The following SHC1 variants were observed in gnomAD, a reference collection of about 807,000 sequenced individuals.
SHC1 encodes the protein SHC-transforming protein 1.
Under a neutral mutation model 55.9 loss-of-function variants are expected in SHC1, and 30 were observed. The observed-to-expected ratio is 0.54, with a 90% CI of 0.40 to 0.73. The LOEUF (loss-of-function observed/expected upper bound fraction) is 0.73, where lower values mean the gene tolerates loss of function less well. SHC1 is among the 30% of genes least tolerant of loss of function. SHC1 has a pLI of 0.00. For synonymous variants in SHC1, 309 were observed against 306.1 expected (o/e 1.01, Z -0.10); for missense variants, 675 against 777.1 (o/e 0.87, Z 1.56).
At chr1:154,967,883 C>G in intron 6 of SHC1, 86 bp from the exon 7 acceptor site, 1 of 1,603,564 alleles carries the variant, frequency 6.2e-7, no homozygotes, top group Non-Finnish European at 8.5e-7. Flanking sequence ...TGCAGGAACC[C>G]CCACTGAGAT....
Position 154,970,033 on chromosome 1 carries a change from C to G in SHC1, c.494G>C (p.Arg165Pro). The change falls in exon 1 of 12, where the codon CGG becomes CCG. Residue 165 changes from arginine (R) to proline (P), a missense_variant and splice_region_variant. By Grantham distance (103) the Arg-to-Pro change is moderately radical (BLOSUM62 -2). This residue lies in a region of SHC1 where 159 missense variants were observed against 246.9 expected (regional missense o/e 0.64). Coordinates refer to ENST00000448116, the MANE Select transcript of SHC1 (RefSeq NM_001130040.2). The surrounding 1 kb of genome is among the most constrained non-coding windows in gnomAD (Gnocchi z 5.5). Reference protein sequence around the residue: ...VMGPGVSYLVRYMGCVEVLQS... With the variant: ...VMGPGVSYLVPYMGCVEVLQS... ...ATGGAGAGGAGGATGTTCACTCACC[C>G]GAACCAAGTAGGAAACCCCGGGTCC... 6.2e-7 allele frequency: 1 copy of G among 1,613,786 alleles called. No homozygotes were observed. The highest frequency in any genetic ancestry group is 8.5e-7 in the Non-Finnish European group (1 of 1,179,922).
chr1:154,965,624 C>A lies in SHC1; in HGVS notation c.1545G>T (p.Thr515=). Residue 515 remains threonine, a synonymous_variant, in exon 11 of 12, where the codon ACG becomes ACT. Coordinates refer to ENST00000448116, the MANE Select transcript of SHC1 (RefSeq NM_001130040.2). The part of the protein sequence containing the change: ...LNGDFLVRES[T]TTPGQYVLTG... ...TGAGCACATACTGGCCAGGTGTGGTCGTGCTCTCCCGTACCAGGAAGTCCC... is the reference window on the plus strand; with the variant it reads ...TGAGCACATACTGGCCAGGTGTGGTAGTGCTCTCCCGTACCAGGAAGTCCC... 1 of 1,614,122 alleles carries A rather than the reference C, an allele frequency of 6.2e-7. No individual in the cohort carries two copies. The highest frequency in any genetic ancestry group is 1.1e-5 in the South Asian group (1 of 91,044).
upstream of SHC1, among the ~76,000 whole-genome samples, chr1:154,973,988 G>A (rs1447730778): frequency 6.6e-6 from 1 of 152,234 alleles, no homozygotes; most frequent in South Asian, 2.1e-4. Flanking sequence ...AAGGAGTAAC[G>A]AAGGGTTTCT....
chr1:154,971,957 A>T (rs534089148), upstream of SHC1, among the ~76,000 whole-genome samples: 20 of 151,950 alleles, frequency 1.3e-4, no homozygotes, highest in Admixed American at 4.6e-4. Context: ...AAACAAAGAT[A>T]CGTATTCCTA....
At chr1:154,964,409 C>A in intron 11 of SHC1, 2 of 387,254 alleles carry the variant, frequency 5.2e-6, no homozygotes, top group Admixed American at 3.2e-5. Flanking sequence ...GGTGTGCCAC[C>A]ACACCGCAGC....
chr1:154,969,287 G>A (rs2102132268), intron 2 of SHC1, 91 bp downstream of exon 2: 4 of 835,736 alleles, frequency 4.8e-6, no homozygotes, highest in Middle Eastern at 2.2e-4. Context: ...TCAGCCCCCA[G>A]CAGCAGCACC....
In SHC1 at chr1:154,963,554, A is replaced by G; in HGVS notation, c.*249T>C. 2.4e-6 allele frequency: 1 copy of G among 410,994 alleles called. No individual in the cohort carries two copies. Among genetic ancestry groups the G allele is most frequent in the Non-Finnish European group, 4.5e-6 (1 of 222,372 alleles). The allele number at this position is 410,994 out of a possible 1,614,324, so 25.5% of individuals were successfully genotyped here. On this transcript the variant is annotated 3_prime_UTR_variant, in exon 12 of 12. Transcript: ENST00000448116. ...AAGGGGCATCAGGTTGGCACAGGAA[A>G]GGCCCAGGTGAGGGGCCACTCTGTA...
Position 154,965,308 on chromosome 1 carries a change from A to G in SHC1, c.1626+235T>C, listed in dbSNP as rs934999048. 6.6e-6 allele frequency: 9 copies of G among 1,373,256 alleles called. No individual in the cohort carries two copies. In the African/African-American group the frequency reaches 1.0e-4, roughly 15 times the overall value. The allele number at this position is 1,373,256 out of a possible 1,614,324, so 85.1% of individuals were successfully genotyped here. On this transcript the variant is annotated intron_variant, in intron 11 of 11. Coordinates refer to ENST00000448116, the MANE Select transcript of SHC1 (RefSeq NM_001130040.2). ...TGCCTCAGCCTCCCAAAGCGCTGGG[A>G]TTACAGGTGTGAGCCACCACGCCTG... is the stretch of plus-strand genomic sequence containing the variant.
chr1:154,969,992 G>A (rs746623479), intron 1 of SHC1, 40 bp downstream of exon 1: 5 of 1,608,980 alleles, frequency 3.1e-6, no homozygotes, highest in Admixed American at 3.3e-5. Context: ...TAGAACTGGA[G>A]GGGGTCTGCG....
At chr1:154,971,312 G>C (rs931048156), upstream of SHC1, among the ~76,000 whole-genome samples, 1 of 152,182 alleles carries the variant, frequency 6.6e-6, no homozygotes, top group African/African-American at 2.4e-5. Flanking sequence ...AGCGAAGTGG[G>C]GATGGGAAGT....
chr1:154,965,866 G>A (rs1229608826), intron 10 of SHC1, 80 bp downstream of exon 10: 3 of 1,575,184 alleles, frequency 1.9e-6, no homozygotes, highest in Admixed American at 1.7e-5. Flanking sequence ...AAGTCAGGAA[G>A]GAAAGAGCAG....
At chr1:154,968,125 C>A in intron 5 of SHC1, 79 bp downstream of exon 5, 1 of 1,582,076 alleles carries the variant, frequency 6.3e-7, no homozygotes, top group Non-Finnish European at 8.7e-7. Context: ...CCTAGCACCC[C>A]CACTTCTCTA....
Position 154,963,660 on chromosome 1 carries a change from G to T in SHC1, c.*143C>A. The T allele has an allele frequency of 1.3e-6, 1 of 770,268 alleles. No individual in the cohort carries two copies. The highest frequency in any genetic ancestry group is 2.1e-6 in the Non-Finnish European group (1 of 478,596). 47.7% of individuals were successfully genotyped at this position (770,268 alleles called of 1,614,324 possible). On this transcript the variant is annotated 3_prime_UTR_variant, in exon 12 of 12. Transcript: ENST00000448116. ...TTGACTCAAACCCTCTCACTCAGCT[G>T]GATATGAAACCCAGAGTCCATGCTA...
intron 7 of SHC1, among the ~76,000 whole-genome samples, chr1:154,967,296 A>T (rs1434550376): frequency 1.3e-5 from 2 of 152,130 alleles, no homozygotes; most frequent in African/African-American, 4.8e-5. Flanking sequence ...TTGTAATCTC[A>T]GGGAAAAGAG....
rs1240890766 is a variant in SHC1, at chr1:154,963,143, C to G, written c.*660G>C. 6.5e-6 allele frequency: 1 copy of G among 153,074 alleles called. No individual in the cohort carries two copies. Among genetic ancestry groups the G allele is most frequent in the Non-Finnish European group, 1.5e-5 (1 of 68,362 alleles). 9.5% of individuals were successfully genotyped at this position (153,074 alleles called of 1,614,324 possible). ...CTGAGCAAGGGAGGGGTCCATCTCCCGCCTGGCCGGGAGTGGGGCTCTGGG... is the reference window on the plus strand; with the variant it reads ...CTGAGCAAGGGAGGGGTCCATCTCCGGCCTGGCCGGGAGTGGGGCTCTGGG... On this transcript the variant is annotated 3_prime_UTR_variant, in exon 12 of 12. Transcript: ENST00000448116.
chr1:154,965,806 G>A lies in SHC1; in HGVS notation c.1388-25C>T, dbSNP rs747428853. On this transcript the variant is annotated intron_variant, in intron 10 of 11. Coordinates refer to ENST00000448116, the MANE Select transcript of SHC1 (RefSeq NM_001130040.2). The stretch of plus-strand genomic sequence containing the variant: ...TCTGGAAGTATAGAGGGAGGGTGAG[G>A]GGAAGTAGCAGGCACAACACACACC... The A allele has an allele frequency of 1.0e-5, 16 of 1,597,394 alleles. 1 individual carries two copies. The South Asian group carries it at 1.8e-4, about 18-fold the overall frequency.
At chr1:154,964,368 T>G (rs563114681) in intron 11 of SHC1, 1 of 420,598 alleles carries the variant, frequency 2.4e-6, no homozygotes, top group East Asian at 7.2e-5. Flanking sequence ...AAACCCCATC[T>G]CTACCAAAAA....
chr1:154,968,298 A>G, intron 4 of SHC1, 41 bp from the exon 5 acceptor site: 1 of 1,605,130 alleles, frequency 6.2e-7, no homozygotes, highest in Non-Finnish European at 8.5e-7. Context: ...AGGGAATGCC[A>G]TGTGTCAGGC....
upstream of SHC1, among the ~76,000 whole-genome samples, chr1:154,972,562 A>G (rs1656847097): frequency 6.6e-6 from 1 of 152,210 alleles, no homozygotes; most frequent in African/African-American, 2.4e-5. Flanking sequence ...GATGTCCCTC[A>G]TCTGTAGAGA....
Sources: gnomAD v4.1 joint callset for allele counts (sites outside exome capture counted in the v4.1 genomes callset) on GRCh38, gnomAD v4.1.1 for gene constraint, gnomAD v4.1.1 regional missense constraint, Gnocchi (gnomAD v3.1) non-coding constraint, MANE v1.5 for transcripts, NCBI Gene and HGNC (gene_info 2026-07-23, HGNC 2026-07-21) for gene names.